MNAT1: variants seen among roughly 807,000 people sequenced by gnomAD.
MNAT1 encodes MNAT1 component of CDK activating kinase, also known as CDK-activating kinase assembly factor MAT1.
A neutral mutation model predicts 42.0 loss-of-function variants in MNAT1; 43 were observed. That is an observed-to-expected ratio of 1.02 (90% CI 0.80 to 1.32). The LOEUF (loss-of-function observed/expected upper bound fraction) is 1.32, where lower values mean the gene tolerates loss of function less well. MNAT1 is among the 40% of genes most tolerant of loss of function. The pLI is 0.00. For missense variants in MNAT1, 306 were observed against 350.4 expected, an observed-to-expected ratio of 0.87 and a Z score of 1.01; for synonymous variants, 118 against 120.0, an observed-to-expected ratio of 0.98 and a Z score of 0.11.
At chr14:60,794,414 C>G (rs1425672361) in intron 1 of MNAT1, among the ~76,000 whole-genome samples, 1 of 151,638 alleles carries the variant, frequency 6.6e-6, no homozygotes, top group African/African-American at 2.4e-5. Flanking sequence ...CCTATAATCC[C>G]AGAACCTTGG....
intron 1 of MNAT1, among the ~76,000 whole-genome samples, chr14:60,768,269 T>C (rs2030914749): frequency 1.3e-5 from 2 of 152,242 alleles, no homozygotes; most frequent in Admixed American, 1.3e-4. Context: ...ATTATTGTAT[T>C]ACTCATTTAT....
At chr14:60,904,379 G>T (rs1367309344) in intron 7 of MNAT1, among the ~76,000 whole-genome samples, 1 of 151,372 alleles carries the variant, frequency 6.6e-6, no homozygotes, top group Non-Finnish European at 1.5e-5. Context: ...TTGTTTTTTT[G>T]TTTGTTTGTT....
At chr14:60,827,984 G>T (rs867021195) in intron 6 of MNAT1, among the ~76,000 whole-genome samples, 6 of 152,106 alleles carry the variant, frequency 3.9e-5, no homozygotes, top group African/African-American at 7.2e-5. Flanking sequence ...GAAAATGGAG[G>T]TTCTTAAAAC....
In MNAT1 at chr14:60,784,201, T is replaced by TTTTTTTTTTTC. The variant is rs1435948099; in HGVS notation, c.90-12014_90-12013insTTTTTTTTCTT. Among the ~76,000 whole-genome samples the TTTTTTTTTTTC allele has an allele frequency of 2.6e-4, 38 of 143,954 alleles. 2 individuals are homozygous for TTTTTTTTTTTC. The highest frequency in any genetic ancestry group is 9.7e-4 in the African/African-American group (37 of 38,068). 94.4% of individuals were successfully genotyped at this position (143,954 alleles called of 152,430 possible). A position where few individuals can be genotyped will look rare whatever the true frequency, so the allele number is the denominator to read the frequency against. On this transcript the variant is annotated intron_variant, in intron 1 of 7. Transcript: ENST00000261245. ...CTAATTTTTTTTTTTTTTTTTTTTT[T>TTTTTTTTTTTC]TTAGTAGAGGCGAGGTTTTGCCATG...
At chr14:60,809,473 G>T (rs1296303920) in intron 4 of MNAT1, among the ~76,000 whole-genome samples, 2 of 151,932 alleles carry the variant, frequency 1.3e-5, no homozygotes, top group Non-Finnish European at 2.9e-5. Flanking sequence ...ACCTTCTCTG[G>T]GAACATCAGA....
At chr14:60,779,250 C>CA (rs1169812103) in intron 1 of MNAT1, among the ~76,000 whole-genome samples, 1 of 152,134 alleles carries the variant, frequency 6.6e-6, no homozygotes, top group Admixed American at 6.5e-5. Context: ...AATAAATGTA[C>CA]AAATACAGTA....
At chr14:60,946,056 C>A (rs1594900232) in intron 7 of MNAT1, among the ~76,000 whole-genome samples, 1 of 152,172 alleles carries the variant, frequency 6.6e-6, no homozygotes, top group Non-Finnish European at 1.5e-5. Context: ...CTTTTGAGGC[C>A]AGTCCCACCA....
chr14:60,740,332 CTCTT>C lies in MNAT1; in HGVS notation c.89+5387_89+5390del, dbSNP rs763167939. 7.9e-5 allele frequency among the ~76,000 whole-genome samples: 12 copies of C among 152,246 alleles called. No individual in the cohort carries two copies. The East Asian group carries it at 2.3e-3, about 29-fold the overall frequency. Reference sequence around the variant, plus strand: ...TTTGTGATAGTTACTTAACATCTTTCTCTTTCTTTTTTTCCCTTTTTTTTCTGTT... The same window carrying C: ...TTTGTGATAGTTACTTAACATCTTTCTCTTTTTTTCCCTTTTTTTTCTGTT... On this transcript the variant is annotated intron_variant, in intron 1 of 7. Transcript: ENST00000261245. This position sits in a 1 kb window ranked among gnomAD's most constrained non-coding sequence, Gnocchi z 4.1.
In MNAT1 at chr14:60,848,735, A is replaced by C. The variant is rs545084978; in HGVS notation, c.687+29888A>C. ...ATATATGTCACATAAAAACACATAT[A>C]AAAATAAGGCTTATAATAATTAAAG... On this transcript the variant is annotated intron_variant, in intron 6 of 7. Coordinates refer to ENST00000261245, the MANE Select transcript of MNAT1 (RefSeq NM_002431.4). Among the ~76,000 whole-genome samples, 30 of 152,290 alleles carry C rather than the reference A, an allele frequency of 2.0e-4. 1 individual carries two copies. Among genetic ancestry groups the C allele is most frequent in the Middle Eastern group, 6.8e-3 (2 of 294 alleles).
chr14:60,782,898 A>G (rs2031513968), intron 1 of MNAT1, among the ~76,000 whole-genome samples: 1 of 152,240 alleles, frequency 6.6e-6, no homozygotes, highest in African/African-American at 2.4e-5. Flanking sequence ...CTTAGCAGAC[A>G]TAACTTTGTT....
At chr14:60,744,986 A>G (rs1007134867) in intron 1 of MNAT1, among the ~76,000 whole-genome samples, 2 of 152,156 alleles carry the variant, frequency 1.3e-5, no homozygotes, top group African/African-American at 4.8e-5. Flanking sequence ...ACACATGTGC[A>G]GCCTATTTCT....
At chr14:60,927,245 T>G (rs2035786270) in intron 7 of MNAT1, among the ~76,000 whole-genome samples, 1 of 152,202 alleles carries the variant, frequency 6.6e-6, no homozygotes, top group Non-Finnish European at 1.5e-5. Flanking sequence ...GGGATACTGT[T>G]TGAGGTTTAG....
chr14:60,940,178 CTT>C (rs1321469108), intron 7 of MNAT1, among the ~76,000 whole-genome samples: 8 of 152,136 alleles, frequency 5.3e-5, no homozygotes, highest in African/African-American at 1.4e-4. Context: ...GGTCTTGACT[CTT>C]TATCCAATTT....
In MNAT1 at chr14:60,968,689, G is replaced by T; in HGVS notation, c.*340G>T. 3 of 410,538 alleles carry T rather than the reference G, an allele frequency of 7.3e-6. No homozygotes were observed. Among genetic ancestry groups the T allele is most frequent in the South Asian group, 4.8e-5 (2 of 41,870 alleles). The allele number at this position is 410,538 out of a possible 1,614,324, so 25.4% of individuals were successfully genotyped here. A position where few individuals can be genotyped will look rare whatever the true frequency, so the allele number is the denominator to read the frequency against. On this transcript the variant is annotated 3_prime_UTR_variant, in exon 8 of 8. Transcript: ENST00000261245. Reference sequence around the variant, plus strand: ...GCTATAATTTATATTAAGTTCTGTGGTTTTTCTCTTATTACAGTGTTTTAC... The same window carrying T: ...GCTATAATTTATATTAAGTTCTGTGTTTTTTCTCTTATTACAGTGTTTTAC...
intron 1 of MNAT1, among the ~76,000 whole-genome samples, chr14:60,750,939 C>T (rs1434173585): frequency 6.6e-6 from 1 of 152,076 alleles, no homozygotes; most frequent in Non-Finnish European, 1.5e-5. Flanking sequence ...TGATTTGGCT[C>T]TCAGGCTTAG....
At chr14:60,750,835 G>A (rs1456484107) in intron 1 of MNAT1, among the ~76,000 whole-genome samples, 3 of 152,204 alleles carry the variant, frequency 2.0e-5, no homozygotes, top group South Asian at 4.1e-4. Flanking sequence ...AATGTTGTAC[G>A]TGGTTCCAAA....
At chr14:60,771,119 T>A (rs1416444552) in intron 1 of MNAT1, among the ~76,000 whole-genome samples, 1 of 152,178 alleles carries the variant, frequency 6.6e-6, no homozygotes, top group Non-Finnish European at 1.5e-5. Context: ...GGAAATGCCG[T>A]TTTGTTCTTT....
At chr14:60,741,595 G>A (rs892757721) in intron 1 of MNAT1, among the ~76,000 whole-genome samples, 21 of 148,844 alleles carry the variant, frequency 1.4e-4, no homozygotes, top group Admixed American at 4.0e-4. Context: ...TCCTGACCTC[G>A]TGATCCTCCT....
At chr14:60,773,216 C>T (rs1463298177) in intron 1 of MNAT1, among the ~76,000 whole-genome samples, 2 of 152,046 alleles carry the variant, frequency 1.3e-5, no homozygotes, top group African/African-American at 4.8e-5. Context: ...GGATTACAGG[C>T]GTGAGCCACC....
Sources: allele counts gnomAD v4.1 joint callset (sites outside exome capture counted in the v4.1 genomes callset), GRCh38; gene constraint gnomAD v4.1.1; non-coding constraint Gnocchi (gnomAD v3.1); transcripts MANE v1.5; gene names NCBI Gene and HGNC (gene_info 2026-07-23, HGNC 2026-07-21).